The following TIAM1 variants were observed in gnomAD, a reference collection of about 807,000 sequenced individuals.
The protein encoded by TIAM1 is rho guanine nucleotide exchange factor TIAM1.
TIAM1 carries 65 observed loss-of-function variants against 163.5 expected under a neutral mutation model. The observed-to-expected ratio is 0.40, with a 90% CI of 0.33 to 0.49. TIAM1 has a LOEUF of 0.49. Among genes scored for constraint, TIAM1 ranks in the 20% least tolerant of loss-of-function variants. The pLI, the probability that TIAM1 is intolerant of heterozygous loss-of-function variation, is 0.77. For synonymous variants in TIAM1, 833 were observed against 810.1 expected (o/e 1.03, Z -0.48); for missense variants, 1,789 against 2,044.7 (o/e 0.87, Z 2.41).
rs75688219 is a variant in TIAM1 at position 31,259,200 on chromosome 21, G to C, written c.963+6810C>G. Among the ~76,000 whole-genome samples, 198 of 138,090 alleles carry C rather than the reference G, an allele frequency of 1.4e-3. No homozygotes were observed. In the East Asian group the frequency reaches 0.02, roughly 14 times the overall value. 90.6% of individuals were successfully genotyped at this position (138,090 alleles called of 152,430 possible). On this transcript the variant is annotated intron_variant, in intron 4 of 27. Coordinates refer to ENST00000541036, the MANE Select transcript of TIAM1 (RefSeq NM_001353694.2). Reference sequence around the variant, plus strand: ...GCAGGCTGGTGGAATACAGTGACATGATCATAGCTTGCTGCAGCCTCAACC... The same window carrying C: ...GCAGGCTGGTGGAATACAGTGACATCATCATAGCTTGCTGCAGCCTCAACC...
chr21:31,302,609 C>G (rs73193732), intron 2 of TIAM1, among the ~76,000 whole-genome samples: 6 of 152,304 alleles, frequency 3.9e-5, no homozygotes, highest in Admixed American at 3.3e-4. Flanking sequence ...ACTCCAAACG[C>G]ACAACACTAC....
In TIAM1 at chr21:31,207,161, G is replaced by A. The variant is rs114197322; in HGVS notation, c.2388+2884C>T. Among the ~76,000 whole-genome samples, 892 of 152,254 alleles carry A rather than the reference G, an allele frequency of 5.9e-3. 12 individuals are homozygous for A. Among genetic ancestry groups the A allele is most frequent in the African/African-American group, 0.021 (861 of 41,546 alleles). ...TTGCAATTATTTTTGTAGTTGTAAC[G>A]ATCAGAATATATCCAAAACCTACAG... On this transcript the variant is annotated intron_variant, in intron 11 of 27. Coordinates refer to ENST00000541036, the MANE Select transcript of TIAM1 (RefSeq NM_001353694.2).
At chr21:31,333,096 A>C (rs989712929) in intron 2 of TIAM1, among the ~76,000 whole-genome samples, 1 of 152,176 alleles carries the variant, frequency 6.6e-6, no homozygotes, top group South Asian at 2.1e-4. Flanking sequence ...TTAAATAAAT[A>C]AATGAATTAA....
chr21:31,388,256 CACA>C (rs779011535), intron 2 of TIAM1, among the ~76,000 whole-genome samples: 9,869 of 96,720 alleles, frequency 0.1, 417 homozygotes, highest in Non-Finnish European at 0.12. Flanking sequence ...CACACACACA[CACA>C]ACCTCTTACG....
intron 9 of TIAM1, 148 bp downstream of exon 9, chr21:31,217,405 A>G: frequency 2.7e-6 from 3 of 1,095,702 alleles, no homozygotes; most frequent in Non-Finnish European, 3.9e-6. Flanking sequence ...ATTATCTATT[A>G]AAAGTGTCTA....
intron 2 of TIAM1, among the ~76,000 whole-genome samples, chr21:31,326,236 T>A (rs1601971171): frequency 6.6e-6 from 1 of 152,316 alleles, no homozygotes; most frequent in Non-Finnish European, 1.5e-5. Flanking sequence ...TCTCTAGGAA[T>A]GGAGTTGAGC....
intron 1 of TIAM1, among the ~76,000 whole-genome samples, chr21:31,526,647 C>T (rs1228475407): frequency 6.6e-6 from 1 of 152,144 alleles, no homozygotes; most frequent in Admixed American, 6.5e-5. Context: ...TCATCATGTA[C>T]TTTACCTTCA....
At position 31,544,622 on chromosome 21, in the gene TIAM1, C is replaced by A. The variant is rs113150043; in HGVS notation, c.-422+14305G>T. Among the ~76,000 whole-genome samples the A allele has an allele frequency of 1.4e-3, 217 of 151,832 alleles. 3 individuals are homozygous for A. The highest frequency in any genetic ancestry group is 5.0e-3 in the African/African-American group (207 of 41,366). ...CAGCCTGGGTAACAGAGCAAGACTC[C>A]GTCTCAAAATAAATAAATAAACAAG... is the stretch of plus-strand genomic sequence containing the variant. On this transcript the variant is annotated intron_variant, in intron 1 of 28. Coordinates refer to the TIAM1 transcript ENST00000286827.
chr21:31,228,077 ATTT>A (rs67520058), intron 6 of TIAM1, among the ~76,000 whole-genome samples: 2 of 133,110 alleles, frequency 1.5e-5, no homozygotes, highest in Non-Finnish European at 3.3e-5. Flanking sequence ...TAATTTTTGT[ATTT>A]TTTTTTTTTT....
At chr21:31,209,092 G>GATGCT (rs1370741095) in intron 11 of TIAM1, among the ~76,000 whole-genome samples, 1 of 152,058 alleles carries the variant, frequency 6.6e-6, no homozygotes, top group East Asian at 1.9e-4. Flanking sequence ...GGCACTGCAG[G>GATGCT]ATGCACCCAG....
intron 1 of TIAM1, among the ~76,000 whole-genome samples, chr21:31,468,621 A>G (rs1359068037): frequency 1.3e-5 from 2 of 151,844 alleles, no homozygotes; most frequent in Admixed American, 1.3e-4. Context: ...TAAAAATACA[A>G]AAAAATTAGC....
rs543161088 is a variant in TIAM1, at chr21:31,555,908, G to A, written c.-422+3019C>T. Among the ~76,000 whole-genome samples the A allele has an allele frequency of 1.3e-3, 201 of 152,216 alleles. 1 individual carries two copies. Among genetic ancestry groups the A allele is most frequent in the Non-Finnish European group, 1.9e-3 (130 of 67,996 alleles). On this transcript the variant is annotated intron_variant, in intron 1 of 28. Transcript: ENST00000286827. The stretch of plus-strand genomic sequence containing the variant: ...GCACACTAGAACTGCAGGAATCTGG[G>A]GGGAAGGAGACAGGCCCAACGCTGC...
At chr21:31,368,533 C>T (rs779309565) in intron 2 of TIAM1, among the ~76,000 whole-genome samples, 5 of 152,108 alleles carry the variant, frequency 3.3e-5, no homozygotes, top group African/African-American at 4.8e-5. Flanking sequence ...GTCTAAAAAG[C>T]TAAAAATAGC....
At chr21:31,321,463 C>T (rs2075311086) in intron 2 of TIAM1, among the ~76,000 whole-genome samples, 1 of 152,146 alleles carries the variant, frequency 6.6e-6, no homozygotes, top group Non-Finnish European at 1.5e-5. Flanking sequence ...AGCGATTCTC[C>T]TTCCTCAGCC....
chr21:31,154,031 T>G (rs2083497728), intron 17 of TIAM1, among the ~76,000 whole-genome samples: 1 of 151,926 alleles, frequency 6.6e-6, no homozygotes, highest in Admixed American at 6.6e-5. Context: ...ACCACTGTAC[T>G]CCAGCCTGGC....
intron 2 of TIAM1, among the ~76,000 whole-genome samples, chr21:31,338,132 T>C (rs1415935793): frequency 6.6e-6 from 1 of 152,120 alleles, no homozygotes; most frequent in Non-Finnish European, 1.5e-5. Flanking sequence ...ACTGTGTACA[T>C]GCGGAGAAAG....
intron 15 of TIAM1, among the ~76,000 whole-genome samples, chr21:31,174,748 A>G (rs1466425095): frequency 6.6e-6 from 1 of 152,144 alleles, no homozygotes; most frequent in African/African-American, 2.4e-5. Flanking sequence ...CCCGGGTTCA[A>G]GCAATTCTCC....
At chr21:31,214,274 G>A (rs2087049629) in intron 9 of TIAM1, among the ~76,000 whole-genome samples, 1 of 151,514 alleles carries the variant, frequency 6.6e-6, no homozygotes, top group South Asian at 2.1e-4. Flanking sequence ...GCAGCGAGCT[G>A]AGACCACACT....
chr21:31,188,517 T>C (rs1170246103), intron 13 of TIAM1, among the ~76,000 whole-genome samples: 3 of 152,204 alleles, frequency 2.0e-5, no homozygotes, highest in Admixed American at 6.5e-5. Flanking sequence ...TTCATCTAAC[T>C]ATTGGAATTT....
Sources: allele counts gnomAD v4.1 joint callset (sites outside exome capture counted in the v4.1 genomes callset), GRCh38; gene constraint gnomAD v4.1.1; transcripts MANE v1.5; gene names NCBI Gene and HGNC (gene_info 2026-07-23, HGNC 2026-07-21).